The following OTOA variants were observed in gnomAD, a reference collection of about 807,000 sequenced individuals.
The protein encoded by OTOA is otoancorin, also known as cancer/testis antigen 108.
In OTOA, 70 loss-of-function variants were observed where a neutral mutation model predicts 110.8. The observed-to-expected ratio is 0.63, with a 90% confidence interval of 0.52 to 0.77. The LOEUF (loss-of-function observed/expected upper bound fraction) is 0.77. Ranked by LOEUF, OTOA falls within the 30% of genes least tolerant of loss-of-function variation. The probability of loss-of-function intolerance (pLI) is 0.00; values close to 1 mark genes in which losing one functional copy is unlikely to be tolerated. For missense variants in OTOA, 917 were observed against 1,075.8 expected, an observed-to-expected ratio of 0.85 and a Z score of 2.06; for synonymous variants, 373 against 431.5, an observed-to-expected ratio of 0.86 and a Z score of 1.68.
chr16:21,668,472 T>G (rs948734467), intron 1 of OTOA, among the ~76,000 whole-genome samples: 1 of 149,928 alleles, frequency 6.7e-6, no homozygotes, highest in African/African-American at 2.4e-5. Flanking sequence ...TTTTTTTTTT[T>G]TTTTGGAGAC....
Position 21,752,040 on chromosome 16 carries a change from A to T in OTOA, c.2881A>T (p.Ile961Phe), listed in dbSNP as rs1206709368. Reference protein sequence around the residue: ...GLGATLCAINITEIPLIKISE... With the variant: ...GLGATLCAINFTEIPLIKISE... Reference sequence around the variant, plus strand: ...TGGTGCAACCCTGTGTGCTATAAACATCACTGAAATCCCACTTATAAAGAT... The same window carrying T: ...TGGTGCAACCCTGTGTGCTATAAACTTCACTGAAATCCCACTTATAAAGAT... Residue 961 changes from isoleucine (I) to phenylalanine (F), a missense_variant, in exon 25 of 29, where the codon ATC becomes TTC. Physicochemically the swap from Ile to Phe is conservative, Grantham distance 21 (BLOSUM62 0). Coordinates refer to ENST00000646100, the MANE Select transcript of OTOA (RefSeq NM_144672.4). The T allele has an allele frequency of 2.0e-5, 7 of 358,412 alleles. No individual in the cohort carries two copies. The Admixed American group carries it at 3.5e-4, about 18-fold the overall frequency. 22.2% of individuals were successfully genotyped at this position (358,412 alleles called of 1,614,324 possible).
At chr16:21,678,749 G>A (rs1265117350) in intron 2 of OTOA, 144 bp downstream of exon 2, 15 of 1,195,174 alleles carry the variant, frequency 1.3e-5, no homozygotes, top group South Asian at 8.7e-5. Context: ...ATTATTCTAA[G>A]AGGATTTTTC....
Position 21,706,823 on chromosome 16 carries a change from C to CTT in OTOA, c.1104+1545_1104+1546dup, listed in dbSNP as rs34176598. 3.5e-4 allele frequency among the ~76,000 whole-genome samples: 45 copies of CTT among 128,328 alleles called. 1 individual carries two copies. The highest frequency in any genetic ancestry group is 1.2e-3 in the African/African-American group (41 of 35,128). 84.2% of individuals were successfully genotyped at this position (128,328 alleles called of 152,430 possible). On this transcript the variant is annotated intron_variant, in intron 12 of 28. Transcript: ENST00000646100. Reference sequence around the variant, plus strand: ...TGGTCATCTATTTTGGTCAGCGCATCTTTTTTTTTTTTTTTATAAGATTCA... The same window carrying CTT: ...TGGTCATCTATTTTGGTCAGCGCATCTTTTTTTTTTTTTTTTTATAAGATTCA...
Position 21,756,251 on chromosome 16 carries a change from A to G in OTOA, c.3154-831A>G, listed in dbSNP as rs1597871304. ...AAGACACCTTGTTCACAGTCCTTGA[A>G]GACATAGTCTGGCTGGCAGAATTTC... On this transcript the variant is annotated intron_variant, in intron 27 of 28. Coordinates refer to ENST00000646100, the MANE Select transcript of OTOA (RefSeq NM_144672.4). Among the ~76,000 whole-genome samples the G allele has an allele frequency of 2.0e-5, 3 of 151,578 alleles. No individual in the cohort carries two copies. In the South Asian group the frequency reaches 6.4e-4, roughly 32 times the overall value.
rs748232484 is a variant in OTOA, at chr16:21,717,020, G to A, written c.1602G>A (p.Leu534=). 3 of 1,614,004 alleles carry A rather than the reference G, an allele frequency of 1.9e-6. No individual in the cohort carries two copies. The highest frequency in any genetic ancestry group is 3.3e-5 in the Admixed American group (2 of 59,988). The change falls in exon 15 of 29, where the codon CTG becomes CTA. Residue 534 remains leucine, a synonymous_variant. Coordinates refer to ENST00000646100, the MANE Select transcript of OTOA (RefSeq NM_144672.4). ...RRQPGFNSTV[L]KDKELGRSQA... is the part of the protein sequence containing the mutation. ...AACCTGGATTCAACTCTACAGTCCT[G>A]AAGGATAAGGAACTTGGAAGGAGCC...
Position 21,687,400 on chromosome 16 carries a change from GT to G in OTOA, c.400-12del. The G allele has an allele frequency of 6.2e-7, 1 of 1,612,796 alleles. No individual in the cohort carries two copies. Among genetic ancestry groups the G allele is most frequent in the Non-Finnish European group, 8.5e-7 (1 of 1,178,942 alleles). On this transcript the variant is annotated splice_polypyrimidine_tract_variant and intron_variant, in intron 7 of 28. Transcript: ENST00000646100. ...AGCTCTCAAACTGACCCTGGCTTCT[GT>G]CATTGCTTTAGGACCTGAAAGACAT...
At chr16:21,694,992 C>T (rs561746706) in intron 9 of OTOA, among the ~76,000 whole-genome samples, 29 of 151,976 alleles carry the variant, frequency 1.9e-4, no homozygotes, top group African/African-American at 4.1e-4. Context: ...AATTCTTATA[C>T]GGTGCGCTTC....
chr16:21,713,502 T>A (rs975258796), intron 13 of OTOA, among the ~76,000 whole-genome samples: 1 of 152,184 alleles, frequency 6.6e-6, no homozygotes, highest in Non-Finnish European at 1.5e-5. Context: ...ACTGAACACT[T>A]ACTATGTGCC....
At chr16:21,727,691 CAG>C (rs1488097877) in intron 19 of OTOA, among the ~76,000 whole-genome samples, 4 of 152,028 alleles carry the variant, frequency 2.6e-5, no homozygotes, top group African/African-American at 9.7e-5. Context: ...AGAGCAATAA[CAG>C]TGACAGCAGC....
chr16:21,734,287 G>A (rs1319480365), intron 21 of OTOA, among the ~76,000 whole-genome samples: 1 of 149,366 alleles, frequency 6.7e-6, no homozygotes. Context: ...ACCAAATACC[G>A]CATGTTCTTA....
chr16:21,666,357 T>C (rs1365024449), intron 1 of OTOA, among the ~76,000 whole-genome samples: 1 of 150,514 alleles, frequency 6.6e-6, no homozygotes, highest in Admixed American at 6.7e-5. Context: ...TGAAACTCCA[T>C]GTAATTGTGA....
At chr16:21,756,857 C>A (rs1900001063) in intron 27 of OTOA, among the ~76,000 whole-genome samples, 1 of 146,880 alleles carries the variant, frequency 6.8e-6, no homozygotes, top group African/African-American at 2.5e-5. Flanking sequence ...GGCAAGTCTG[C>A]CGGCTTTCCA....
intron 15 of OTOA, among the ~76,000 whole-genome samples, chr16:21,717,854 G>T (rs1408965453): frequency 6.6e-6 from 1 of 152,146 alleles, no homozygotes; most frequent in East Asian, 1.9e-4. Context: ...TGTTCCAGGC[G>T]CTCTTGCTCA....
At chr16:21,710,270 G>A (rs1409105430) in intron 13 of OTOA, among the ~76,000 whole-genome samples, 167 bp downstream of exon 13, 3 of 152,148 alleles carry the variant, frequency 2.0e-5, no homozygotes, top group Non-Finnish European at 4.4e-5. Context: ...TGTCAGAAAG[G>A]TAGGTTTCAT....
In OTOA at chr16:21,722,995, C is replaced by T. The variant is rs748120839; in HGVS notation, c.1880+17C>T. The T allele has an allele frequency of 1.2e-6, 2 of 1,612,840 alleles. No individual in the cohort carries two copies. Among genetic ancestry groups the T allele is most frequent in the Non-Finnish European group, 1.7e-6 (2 of 1,178,906 alleles). ...TGCACTCCCGTAAGTGAACATCAGCCCCCACCTTCTGGCTCATCAGTGAGA... is the reference window on the plus strand; with the variant it reads ...TGCACTCCCGTAAGTGAACATCAGCTCCCACCTTCTGGCTCATCAGTGAGA... On this transcript the variant is annotated intron_variant, in intron 18 of 28. Transcript: ENST00000646100.
Position 21,730,888 on chromosome 16 carries a change from A to G in OTOA, c.2259A>G (p.Leu753=). 6.3e-7 allele frequency: 1 copy of G among 1,577,362 alleles called. No homozygotes were observed. The highest frequency in any genetic ancestry group is 8.7e-7 in the Non-Finnish European group (1 of 1,151,748). Residue 753 remains leucine, a synonymous_variant, in exon 21 of 29, where the codon CTA becomes CTG. Coordinates refer to ENST00000646100, the MANE Select transcript of OTOA (RefSeq NM_144672.4). ...CCACGAAGGACTTGGGACCCTTTCTAGTACTTTTCTCAGGAGATGAATTAA... is the reference window on the plus strand; with the variant it reads ...CCACGAAGGACTTGGGACCCTTTCTGGTACTTTTCTCAGGAGATGAATTAA... ...AETTKDLGPF[L]VLFSGDELSS... is the part of the protein sequence containing the mutation.
At chr16:21,716,153 G>A (rs910886951) in intron 14 of OTOA, among the ~76,000 whole-genome samples, 4 of 150,826 alleles carry the variant, frequency 2.7e-5, no homozygotes, top group African/African-American at 9.9e-5. Context: ...TACCTGCCCC[G>A]GCCTCCTACA....
Position 21,728,387 on chromosome 16 carries a change from T to C in OTOA, c.2163T>C (p.Pro721=). 1.2e-6 allele frequency: 2 copies of C among 1,614,082 alleles called. No individual in the cohort carries two copies. Among genetic ancestry groups the C allele is most frequent in the Non-Finnish European group, 1.7e-6 (2 of 1,179,996 alleles). Residue 721 remains proline, a synonymous_variant, in exon 20 of 29, where the codon CCT becomes CCC. Transcript: ENST00000646100. ...TCAGAGACTGCCCAGACCTCAACCC[T>C]GAGCAAAAGGCTGCAGTGAGGCTCA... The part of the protein sequence containing the change: ...HGLRDCPDLN[P]EQKAAVRLKL...
At chr16:21,726,486 A>G (rs1168316092) in intron 18 of OTOA, 37 bp from the exon 19 acceptor site, 8 of 1,612,204 alleles carry the variant, frequency 5.0e-6, no homozygotes, top group East Asian at 2.2e-5. Flanking sequence ...AGGAGCAGCC[A>G]TGTGTTCCTC....
Sources: gnomAD v4.1 joint callset for allele counts (sites outside exome capture counted in the v4.1 genomes callset) on GRCh38, gnomAD v4.1.1 for gene constraint, MANE v1.5 for transcripts, NCBI Gene and HGNC (gene_info 2026-07-23, HGNC 2026-07-21) for gene names.